WDR41: variants seen among roughly 807,000 people sequenced by gnomAD.
The protein encoded by WDR41 is WD repeat domain 41.
WDR41 carries 63 observed loss-of-function variants against 69.3 expected under a neutral mutation model. The observed-to-expected ratio is 0.91, with a 90% confidence interval of 0.74 to 1.12. The LOEUF (loss-of-function observed/expected upper bound fraction) is 1.12. Ranked by LOEUF, WDR41 falls within the 50% of genes most tolerant of loss-of-function variation. The pLI is 0.00. For missense variants in WDR41, 543 were observed against 534.5 expected (o/e 1.02, Z -0.16); for synonymous variants, 185 against 192.1 (o/e 0.96, Z 0.31).
At chr5:77,492,471 C>A, upstream of WDR41, 1 of 429,456 alleles carries the variant, frequency 2.3e-6, no homozygotes, top group Non-Finnish European at 4.1e-6. Context: ...ACGGCGGGGG[C>A]GGCTGCGGCG....
intron 12 of WDR41, 98 bp from the exon 13 acceptor site, chr5:77,433,385 G>T: frequency 9.5e-7 from 1 of 1,056,214 alleles, no homozygotes; most frequent in Non-Finnish European, 1.3e-6. Context: ...GTGCCTTAAA[G>T]ACTCCTTTGG....
chr5:77,580,179 A>T (rs12189510), intron 1 of WDR41, among the ~76,000 whole-genome samples: 3,880 of 152,302 alleles, frequency 0.025, 73 homozygotes, highest in Non-Finnish European at 0.037. Context: ...GTTTGTTCTC[A>T]CACTGCTGAT....
chr5:77,470,111 G>A (rs368324470), intron 2 of WDR41, among the ~76,000 whole-genome samples: 5,515 of 151,576 alleles, frequency 0.036, 128 homozygotes, highest in Middle Eastern at 0.1. Flanking sequence ...AGAAGATAAT[G>A]GGGGCCAATA....
intron 1 of WDR41, among the ~76,000 whole-genome samples, chr5:77,549,478 C>G (rs546100184): frequency 6.6e-6 from 1 of 151,880 alleles, no homozygotes; most frequent in Non-Finnish European, 1.5e-5. Context: ...AAGCTGAGAG[C>G]CAAATCAAGA....
intron 1 of WDR41, among the ~76,000 whole-genome samples, chr5:77,601,261 C>G (rs947694167): frequency 7.2e-5 from 11 of 151,780 alleles, no homozygotes; most frequent in Middle Eastern, 6.8e-3. Flanking sequence ...AAAACTTGAC[C>G]CTTTATTAAA....
At position 77,513,090 on chromosome 5, in the gene WDR41, T is replaced by C. The variant is rs191590519; in HGVS notation, c.43-23518A>G. Among the ~76,000 whole-genome samples the C allele has an allele frequency of 2.5e-3, 382 of 152,338 alleles. 4 individuals are homozygous for C. Among genetic ancestry groups the C allele is most frequent in the Middle Eastern group, 3.4e-3 (1 of 294 alleles). ...AAAATAAACTTAAGTAATTGACATA[T>C]TTTGAACATATATGGTTTTGTTTCA... On this transcript the variant is annotated intron_variant, in intron 1 of 5. Coordinates refer to the WDR41 transcript ENST00000509971.
chr5:77,550,643 G>A (rs749871548), intron 1 of WDR41, among the ~76,000 whole-genome samples: 8 of 152,156 alleles, frequency 5.3e-5, no homozygotes, highest in South Asian at 2.1e-4. Flanking sequence ...GGGAATGTAC[G>A]AATTAGTTTA....
At position 77,451,292 on chromosome 5, in the gene WDR41, C is replaced by T; in HGVS notation, c.585G>A (p.Leu195=). ...NCVVAAVGKE[L]IIFRLVAPTE... ...AAAAAGAAAAAAATTCATACTCACTCAGTTCTTTGCCAACTGCTGCCACAA... is the reference window on the plus strand; with the variant it reads ...AAAAAGAAAAAAATTCATACTCACTTAGTTCTTTGCCAACTGCTGCCACAA... Residue 195 remains leucine, a splice_region_variant and synonymous_variant, in exon 7 of 13, where the codon CTG becomes CTA. Transcript: ENST00000296679. The T allele has an allele frequency of 6.2e-7, 1 of 1,613,606 alleles. No individual in the cohort carries two copies. The highest frequency in any genetic ancestry group is 8.5e-7 in the Non-Finnish European group (1 of 1,179,680).
At chr5:77,437,283 C>T in intron 11 of WDR41, 53 bp downstream of exon 11, 1 of 1,453,340 alleles carries the variant, frequency 6.9e-7, no homozygotes, top group Non-Finnish European at 9.6e-7. Context: ...TCCTGCCTTT[C>T]ACGTGAGAAA....
chr5:77,480,889 G>T (rs978544509), intron 2 of WDR41, among the ~76,000 whole-genome samples: 4 of 151,524 alleles, frequency 2.6e-5, no homozygotes, highest in Non-Finnish European at 4.4e-5. Context: ...TCTATTAGGT[G>T]AACCTCCATT....
chr5:77,611,017 T>C (rs2112340369), intron 1 of WDR41, among the ~76,000 whole-genome samples: 1 of 152,270 alleles, frequency 6.6e-6, no homozygotes, highest in East Asian at 1.9e-4. Flanking sequence ...TAGTCTCTGA[T>C]AAAACAGACT....
chr5:77,483,035 T>G (rs1026680573), intron 2 of WDR41, among the ~76,000 whole-genome samples: 8 of 152,174 alleles, frequency 5.3e-5, no homozygotes, highest in African/African-American at 1.9e-4. Flanking sequence ...CCATCATATA[T>G]TTGCCTTCTC....
At chr5:77,512,898 C>A (rs1303791904) in intron 1 of WDR41, among the ~76,000 whole-genome samples, 1 of 151,970 alleles carries the variant, frequency 6.6e-6, no homozygotes, top group Non-Finnish European at 1.5e-5. Flanking sequence ...ACAAGTTAAA[C>A]CCTGTTTCAA....
At chr5:77,502,911 C>T (rs1377439218) in intron 1 of WDR41, among the ~76,000 whole-genome samples, 2 of 152,148 alleles carry the variant, frequency 1.3e-5, no homozygotes, top group Non-Finnish European at 2.9e-5. Context: ...AGCGCAAAAA[C>T]ATGCCAAATT....
At position 77,459,050 on chromosome 5, in the gene WDR41, TTAAGA is replaced by T; in HGVS notation, c.411+7_411+11del. The T allele has an allele frequency of 6.3e-7, 1 of 1,575,124 alleles. No individual in the cohort carries two copies. Among genetic ancestry groups the T allele is most frequent in the South Asian group, 1.2e-5 (1 of 85,812 alleles). ...GATTGTCATAAAAACTCATATTTAC[TTAAGA>T]TTTTACCTTTACAGTAGACTGGAAG... On this transcript the variant is annotated splice_region_variant and intron_variant, in intron 5 of 12. Transcript: ENST00000296679.
At chr5:77,565,587 T>C (rs1743610109) in intron 1 of WDR41, among the ~76,000 whole-genome samples, 1 of 152,130 alleles carries the variant, frequency 6.6e-6, no homozygotes, top group Non-Finnish European at 1.5e-5. Context: ...AAATTGGTGA[T>C]AGATTGACTA....
At chr5:77,583,238 C>T (rs1180673303) in intron 1 of WDR41, 32 of 655,078 alleles carry the variant, frequency 4.9e-5, no homozygotes, top group Middle Eastern at 4.1e-4. Flanking sequence ...AAGCTACCCA[C>T]AGGCCAGGCG....
chr5:77,578,585 A>G (rs528936081), intron 1 of WDR41, among the ~76,000 whole-genome samples: 1 of 152,320 alleles, frequency 6.6e-6, no homozygotes, highest in South Asian at 2.1e-4. Context: ...ACTAAAGGAA[A>G]GCATAATTAA....
At position 77,438,370 on chromosome 5, in the gene WDR41, A is replaced by T; in HGVS notation, c.883-9T>A. On this transcript the variant is annotated splice_polypyrimidine_tract_variant and intron_variant, in intron 9 of 12. Coordinates refer to ENST00000296679, the MANE Select transcript of WDR41 (RefSeq NM_018268.4). ...ACTGCAGCAAATACATTCTAGGGGAAGAAGTTCAGAAATGGGCATAAAACT... is the reference window on the plus strand; with the variant it reads ...ACTGCAGCAAATACATTCTAGGGGATGAAGTTCAGAAATGGGCATAAAACT... The T allele has an allele frequency of 6.2e-7, 1 of 1,613,632 alleles. No individual in the cohort carries two copies. The highest frequency in any genetic ancestry group is 2.2e-5 in the East Asian group (1 of 44,874).
Sources: allele counts gnomAD v4.1 joint callset (sites outside exome capture counted in the v4.1 genomes callset), GRCh38; gene constraint gnomAD v4.1.1; transcripts MANE v1.5; gene names NCBI Gene and HGNC (gene_info 2026-07-23, HGNC 2026-07-21).